ATRX: variants seen among roughly 807,000 people sequenced by gnomAD.
The protein encoded by ATRX is ATRX chromatin remodeler, also known as chromatin remodeler ATRX.
ATRX carries 12 observed loss-of-function variants against 172.6 expected under a neutral mutation model. The ratio of observed to expected loss-of-function variants is 0.07; its 90% CI spans 0.04 to 0.11. The LOEUF (loss-of-function observed/expected upper bound fraction) is 0.11. Among genes scored for constraint, ATRX ranks in the 10% least tolerant of loss-of-function variants. The probability of loss-of-function intolerance (pLI) is 1.00; values close to 1 mark genes in which losing one functional copy is unlikely to be tolerated. For synonymous variants in ATRX, 674 were observed against 594.7 expected (o/e 1.13, Z -1.94); for missense variants, 1,368 against 1,767.4 (o/e 0.77, Z 4.05).
At chrX:77,688,190 C>T (rs1393863948) in intron 7 of ATRX, among the ~76,000 whole-genome samples, 2 of 111,267 alleles carry the variant, frequency 1.8e-5, no homozygotes, top group Non-Finnish European at 3.8e-5. Context: ...CCACCTGCCT[C>T]AGCATCCCAA....
chrX:77,634,877 C>A (rs1162619539), intron 16 of ATRX, among the ~76,000 whole-genome samples, 174 bp from the exon 17 acceptor site: 2 of 111,610 alleles, frequency 1.8e-5, no homozygotes, highest in Admixed American at 9.5e-5. Context: ...AAAGCAGAAA[C>A]AAGTTAACAC....
intron 1 of ATRX, among the ~76,000 whole-genome samples, chrX:77,719,234 G>C (rs1454738689): frequency 9.0e-6 from 1 of 111,117 alleles, no homozygotes; most frequent in Non-Finnish European, 1.9e-5. Context: ...AATACATAAA[G>C]ACTTCTTACA....
At chrX:77,547,364 A>G (rs1557053843) in intron 30 of ATRX, among the ~76,000 whole-genome samples, 1 of 111,785 alleles carries the variant, frequency 8.9e-6, no homozygotes, top group Non-Finnish European at 1.9e-5. Context: ...TGCCAGCGTT[A>G]GGGAGGCTGC....
intron 2 of ATRX, among the ~76,000 whole-genome samples, chrX:77,701,993 G>C (rs1302848520): frequency 6.3e-5 from 7 of 111,165 alleles, no homozygotes; most frequent in East Asian, 5.6e-4. Context: ...TTGAACCCAG[G>C]GGGTAGAGGT....
In ATRX at chrX:77,688,845, G is replaced by A. The variant is rs1603233545; in HGVS notation, c.567C>T (p.His189=). The change falls in exon 7 of 35, where the codon CAC becomes CAT. Residue 189 remains histidine, a synonymous_variant. Transcript: ENST00000373344. ...TACAAATAAGAACTTGCAATGAAGG[G>A]TGTCTATAAATGGAATCTTTTTGAA... ...NHFQKDSIYR[H]PSLQVLICKN... 8.3e-7 allele frequency: 1 copy of A among 1,207,990 alleles called. No homozygotes were observed. Among genetic ancestry groups the A allele is most frequent in the East Asian group, 3.0e-5 (1 of 33,833 alleles).
At chrX:77,678,773 T>A (rs1254860535) in intron 9 of ATRX, among the ~76,000 whole-genome samples, 3 of 110,740 alleles carry the variant, frequency 2.7e-5, no homozygotes, top group Non-Finnish European at 3.8e-5. Flanking sequence ...ACAGGCCCCA[T>A]TCTAGTTTTA....
intron 27 of ATRX, among the ~76,000 whole-genome samples, chrX:77,587,517 A>C (rs936096912): frequency 2.7e-5 from 3 of 112,258 alleles, no homozygotes; most frequent in Non-Finnish European, 5.6e-5. Context: ...CAAAATGTTG[A>C]AAAACTGGAT....
intron 15 of ATRX, among the ~76,000 whole-genome samples, chrX:77,640,380 A>G (rs2068596024): frequency 9.0e-6 from 1 of 110,937 alleles, no homozygotes; most frequent in Non-Finnish European, 1.9e-5. Flanking sequence ...TAGGAGAAAA[A>G]CTTAGGACAA....
At chrX:77,522,518 C>A in intron 31 of ATRX, 130 bp from the exon 32 acceptor site, 1 of 758,587 alleles carries the variant, frequency 1.3e-6, no homozygotes, top group South Asian at 2.3e-5. Context: ...CACACACAAA[C>A]AAAACACCCT....
intron 19 of ATRX, among the ~76,000 whole-genome samples, chrX:77,623,098 CAA>C (rs1216528781): frequency 9.0e-6 from 1 of 110,750 alleles, no homozygotes; most frequent in Non-Finnish European, 1.9e-5. Flanking sequence ...ACAAAAAATA[CAA>C]AAGATAAATG....
chrX:77,719,713 G>C lies in ATRX; in HGVS notation c.21-2470C>G, dbSNP rs151141076. ...TCTTAGAGACCTACAAAGAGACTTA[G>C]ACTCTCACACAATAATAGTGGGAGA... is the stretch of plus-strand genomic sequence containing the variant. On this transcript the variant is annotated intron_variant, in intron 1 of 34. Coordinates refer to ENST00000373344, the MANE Select transcript of ATRX (RefSeq NM_000489.6). 3.7e-3 allele frequency among the ~76,000 whole-genome samples: 414 copies of C among 111,415 alleles called. 1 individual carries two copies. Among genetic ancestry groups the C allele is most frequent in the African/African-American group, 0.013 (391 of 30,689 alleles).
intron 1 of ATRX, among the ~76,000 whole-genome samples, chrX:77,722,051 C>G (rs1310831441): frequency 9.0e-6 from 1 of 111,423 alleles, no homozygotes; most frequent in Non-Finnish European, 1.9e-5. Context: ...CTTTGACAAA[C>G]CTGACAAAAA....
chrX:77,520,645 T>C, intron 34 of ATRX, 143 bp downstream of exon 34: 3 of 679,694 alleles, frequency 4.4e-6, no homozygotes, highest in Non-Finnish European at 6.2e-6. Flanking sequence ...ATTCCTGGGT[T>C]TTTTACATTT....
At position 77,599,341 on chromosome X, in the gene ATRX, A is replaced by G. The variant is rs782723548; in HGVS notation, c.5956+70T>C. Reference sequence around the variant, plus strand: ...GTCAATTAGTCAGGTAAGTGACTGAAAAAAGGACTAACGACATGACATTTT... The same window carrying G: ...GTCAATTAGTCAGGTAAGTGACTGAGAAAAGGACTAACGACATGACATTTT... On this transcript the variant is annotated intron_variant, in intron 25 of 34. Transcript: ENST00000373344. 5.3e-6 allele frequency: 6 copies of G among 1,142,167 alleles called. No homozygotes were observed. The South Asian group carries it at 9.2e-5, about 17-fold the overall frequency. 94.1% of individuals were successfully genotyped at this position (1,142,167 alleles called of 1,213,427 possible).
At chrX:77,600,860 A>C (rs1315453977) in intron 22 of ATRX, 1 of 210,615 alleles carries the variant, frequency 4.7e-6, no homozygotes, top group Non-Finnish European at 8.6e-6. Context: ...AAAATTCTGA[A>C]GTATTGATAA....
intron 21 of ATRX, among the ~76,000 whole-genome samples, chrX:77,618,465 C>T (rs918579331): frequency 1.3e-4 from 14 of 111,833 alleles, no homozygotes; most frequent in African/African-American, 4.2e-4. Context: ...TACTGTACTA[C>T]AGAATTAGGG....
chrX:77,520,061 G>T (rs965322610), intron 34 of ATRX, among the ~76,000 whole-genome samples: 12 of 112,099 alleles, frequency 1.1e-4, no homozygotes, highest in African/African-American at 3.9e-4. Context: ...GGCATAGAAA[G>T]ACAAAGTTCA....
chrX:77,519,552 T>C (rs1447920734), intron 34 of ATRX, among the ~76,000 whole-genome samples: 1 of 110,826 alleles, frequency 9.0e-6, no homozygotes, highest in African/African-American at 3.3e-5. Context: ...CTGGGAAATA[T>C]AGTGAGACCC....
At chrX:77,538,108 G>C (rs1357377236) in intron 30 of ATRX, among the ~76,000 whole-genome samples, 3 of 109,965 alleles carry the variant, frequency 2.7e-5, no homozygotes, top group African/African-American at 9.9e-5. Context: ...TAGGTGTTGA[G>C]GTGATCTGTA....
Sources: allele counts gnomAD v4.1 joint callset (sites outside exome capture counted in the v4.1 genomes callset), GRCh38; gene constraint gnomAD v4.1.1; transcripts MANE v1.5; gene names NCBI Gene and HGNC (gene_info 2026-07-23, HGNC 2026-07-21).